Variants in IPMK observed in about 807,000 individuals in gnomAD.
IPMK encodes the protein inositol 1,3,4,6-tetrakisphosphate 5-kinase.
In IPMK, 17 loss-of-function variants were observed where a neutral mutation model predicts 45.8. The ratio of observed to expected loss-of-function variants is 0.37; its 90% confidence interval spans 0.25 to 0.56. IPMK has a LOEUF of 0.56. Among genes scored for constraint, IPMK ranks in the 20% least tolerant of loss-of-function variants. The probability of loss-of-function intolerance (pLI) is 0.79; values close to 1 mark genes in which losing one functional copy is unlikely to be tolerated. For synonymous variants in IPMK, 180 were observed against 184.3 expected, an observed-to-expected ratio of 0.98 and a Z score of 0.19; for missense variants, 399 against 498.0, an observed-to-expected ratio of 0.80 and a Z score of 1.89.
chr10:58,196,777 C>A, intron 5 of IPMK, 79 bp from the exon 6 acceptor site: 1 of 994,188 alleles, frequency 1.0e-6, no homozygotes, highest in Admixed American at 2.7e-5. Context: ...TCACAGAATT[C>A]TCCAATATTT....
chr10:58,255,569 AT>A (rs1447125562), intron 1 of IPMK, among the ~76,000 whole-genome samples: 1 of 152,030 alleles, frequency 6.6e-6, no homozygotes, highest in Non-Finnish European at 1.5e-5. Context: ...TTCTAATTGT[AT>A]TTTTATGAAA....
At chr10:58,235,140 T>C (rs559087259) in intron 2 of IPMK, among the ~76,000 whole-genome samples, 3 of 152,276 alleles carry the variant, frequency 2.0e-5, no homozygotes, top group South Asian at 2.1e-4. Flanking sequence ...CCAGTTAGAA[T>C]GGCAATCATT....
chr10:58,214,960 C>T (rs2790156), intron 4 of IPMK, among the ~76,000 whole-genome samples: 51,445 of 151,994 alleles, frequency 0.34, 10,949 homozygotes, highest in African/African-American at 0.61. Context: ...TTTCTCGCCC[C>T]ATAAATCTGG....
intron 1 of IPMK, among the ~76,000 whole-genome samples, chr10:58,247,061 C>T (rs1045464969): frequency 6.6e-6 from 1 of 150,854 alleles, no homozygotes; most frequent in Non-Finnish European, 1.5e-5. Context: ...AAAATGCTCA[C>T]CATCACTGGC....
At chr10:58,243,105 A>C (rs531204220) in intron 1 of IPMK, among the ~76,000 whole-genome samples, 1 of 152,288 alleles carries the variant, frequency 6.6e-6, no homozygotes, top group South Asian at 2.1e-4. Context: ...TCTTTATAGC[A>C]GTGTGAAAAT....
At chr10:58,255,764 C>G (rs138089465) in intron 1 of IPMK, among the ~76,000 whole-genome samples, 1 of 151,998 alleles carries the variant, frequency 6.6e-6, no homozygotes, top group Admixed American at 6.6e-5. Flanking sequence ...GACAGTGTTC[C>G]GGGAAGTCAG....
chr10:58,193,530 A>G lies in IPMK; in HGVS notation c.*2546T>C, dbSNP rs915908838. On this transcript the variant is annotated 3_prime_UTR_variant, in exon 6 of 6. Transcript: ENST00000373935. Reference sequence around the variant, plus strand: ...AATCTATGCAATGTCTATCCATATTAAAATATCAATTAATGTAAATATTAT... The same window carrying G: ...AATCTATGCAATGTCTATCCATATTGAAATATCAATTAATGTAAATATTAT... 1 of 151,878 alleles carries G rather than the reference A, an allele frequency of 6.6e-6. No individual in the cohort carries two copies. The highest frequency in any genetic ancestry group is 2.4e-5 in the African/African-American group (1 of 41,446). 9.4% of individuals were successfully genotyped at this position (151,878 alleles called of 1,614,324 possible). A position where few individuals can be genotyped will look rare whatever the true frequency, so the allele number is the denominator to read the frequency against.
intron 5 of IPMK, among the ~76,000 whole-genome samples, 188 bp downstream of exon 5, chr10:58,199,052 C>T (rs1837958823): frequency 6.6e-6 from 1 of 151,906 alleles, no homozygotes; most frequent in Non-Finnish European, 1.5e-5. Flanking sequence ...CATTCATAGT[C>T]CCATGCTCTT....
At chr10:58,240,900 C>CAG (rs1470411206) in intron 1 of IPMK, among the ~76,000 whole-genome samples, 1 of 152,118 alleles carries the variant, frequency 6.6e-6, no homozygotes, top group Non-Finnish European at 1.5e-5. Context: ...AAGTGACCAT[C>CAG]AGAGGTACAG....
intron 2 of IPMK, among the ~76,000 whole-genome samples, 155 bp downstream of exon 2, chr10:58,237,574 A>G (rs1838632802): frequency 6.6e-6 from 1 of 152,254 alleles, no homozygotes; most frequent in African/African-American, 2.4e-5. Flanking sequence ...ACTGCATCAC[A>G]TACAGTAAAG....
At chr10:58,250,894 A>G (rs1309878030) in intron 1 of IPMK, among the ~76,000 whole-genome samples, 1 of 152,168 alleles carries the variant, frequency 6.6e-6, no homozygotes, top group African/African-American at 2.4e-5. Context: ...AGTGATGTTG[A>G]ATTTTATCAA....
At chr10:58,236,939 A>G (rs1313815177) in intron 2 of IPMK, among the ~76,000 whole-genome samples, 1 of 152,138 alleles carries the variant, frequency 6.6e-6, no homozygotes, top group East Asian at 1.9e-4. Context: ...GCTGCGTGGC[A>G]CACGCCTGTA....
At chr10:58,225,218 TTA>T (rs1838395478) in intron 3 of IPMK, among the ~76,000 whole-genome samples, 1 of 152,180 alleles carries the variant, frequency 6.6e-6, no homozygotes, top group African/African-American at 2.4e-5. Flanking sequence ...AATGAGAGAA[TTA>T]GAGTTTATAA....
In IPMK at chr10:58,228,734, C is replaced by T. The variant is rs527615499; in HGVS notation, c.277-1595G>A. On this transcript the variant is annotated intron_variant, in intron 2 of 5. Coordinates refer to ENST00000373935, the MANE Select transcript of IPMK (RefSeq NM_152230.5). ...ATTTTTAGTAGAGACGAGGTTTCACCGTGTTAGCCAGGATGGTCTCGATCT... is the reference window on the plus strand; with the variant it reads ...ATTTTTAGTAGAGACGAGGTTTCACTGTGTTAGCCAGGATGGTCTCGATCT... Among the ~76,000 whole-genome samples, 10 of 152,276 alleles carry T rather than the reference C, an allele frequency of 6.6e-5. No homozygotes were observed. The South Asian group carries it at 2.1e-3, about 32-fold the overall frequency.
chr10:58,230,450 T>G (rs1425255497), intron 2 of IPMK, among the ~76,000 whole-genome samples: 1 of 152,106 alleles, frequency 6.6e-6, no homozygotes, highest in Non-Finnish European at 1.5e-5. Context: ...GGACAAAGCT[T>G]CCAGAGGAAG....
At chr10:58,259,671 T>TTAAAAAAAAAAAAAAAAAAAAAAA in intron 1 of IPMK, among the ~76,000 whole-genome samples, 1 of 86,766 alleles carries the variant, frequency 1.2e-5, no homozygotes, top group East Asian at 4.5e-4. Context: ...CATCTCTACA[T>TTAAAAAAAAAAAAAAAAAAAAAAA]AAAAAAAAAA....
chr10:58,232,215 C>A (rs1295618183), intron 2 of IPMK, among the ~76,000 whole-genome samples: 1 of 151,908 alleles, frequency 6.6e-6, no homozygotes, highest in Non-Finnish European at 1.5e-5. Context: ...AGACTTAGAC[C>A]CCCACACAAT....
intron 1 of IPMK, among the ~76,000 whole-genome samples, chr10:58,254,212 C>A (rs7077184): frequency 0.11 from 17,086 of 152,046 alleles, 1,630 homozygotes; most frequent in African/African-American, 0.26. Context: ...TTCTTGTAGG[C>A]CCTCTTCATT....
intron 1 of IPMK, among the ~76,000 whole-genome samples, chr10:58,257,024 C>A (rs546358370): frequency 9.2e-5 from 14 of 152,274 alleles, no homozygotes; most frequent in Non-Finnish European, 1.8e-4. Context: ...CGTGATCACA[C>A]CACCACGCTC....
Sources: gnomAD v4.1 joint callset for allele counts (sites outside exome capture counted in the v4.1 genomes callset) on GRCh38, gnomAD v4.1.1 for gene constraint, MANE v1.5 for transcripts, NCBI Gene and HGNC (gene_info 2026-07-23, HGNC 2026-07-21) for gene names.